The following TSPAN2 variants were observed in gnomAD, a reference collection of about 807,000 sequenced individuals.
The protein encoded by TSPAN2 is tetraspanin 2.
TSPAN2 carries 24 observed loss-of-function variants against 33.3 expected under a neutral mutation model. The ratio of observed to expected loss-of-function variants is 0.72; its 90% confidence interval spans 0.52 to 1.01. The LOEUF (loss-of-function observed/expected upper bound fraction) is 1.01, where lower values mean the gene tolerates loss of function less well. Among genes scored for constraint, TSPAN2 ranks in the 50% least tolerant of loss-of-function variants. The pLI is 0.00. For missense variants in TSPAN2, 278 were observed against 281.3 expected, an observed-to-expected ratio of 0.99 and a Z score of 0.08; for synonymous variants, 114 against 104.5, an observed-to-expected ratio of 1.09 and a Z score of -0.56.
intron 6 of TSPAN2, among the ~76,000 whole-genome samples, chr1:115,055,317 C>T (rs1647354471): frequency 8.6e-6 from 1 of 116,352 alleles, no homozygotes; most frequent in South Asian, 3.4e-4. Context: ...TTGTAGAAAT[C>T]TGGAAAAGAG....
chr1:115,083,251 T>C (rs1648698046), intron 1 of TSPAN2, among the ~76,000 whole-genome samples: 1 of 152,222 alleles, frequency 6.6e-6, no homozygotes, highest in East Asian at 1.9e-4. Context: ...GGATAGAGGT[T>C]ACGTTCTCTT....
intron 1 of TSPAN2, among the ~76,000 whole-genome samples, chr1:115,086,333 T>A (rs1648835265): frequency 6.6e-6 from 1 of 152,216 alleles, no homozygotes; most frequent in Non-Finnish European, 1.5e-5. Context: ...CTGCTTGGGA[T>A]CTCTGCACTC....
Position 115,062,941 on chromosome 1 carries a change from C to T in TSPAN2, c.173-709G>A, listed in dbSNP as rs372787692. On this transcript the variant is annotated intron_variant, in intron 2 of 7. Transcript: ENST00000369516. Reference sequence around the variant, plus strand: ...AGGCTGCTCTGCTTCCTGCCCCACCCGGACCTGGCCTCAGCGTTCTTTTCA... The same window carrying T: ...AGGCTGCTCTGCTTCCTGCCCCACCTGGACCTGGCCTCAGCGTTCTTTTCA... 9.9e-5 allele frequency among the ~76,000 whole-genome samples: 15 copies of T among 152,252 alleles called. No homozygotes were observed. The East Asian group carries it at 2.3e-3, about 24-fold the overall frequency.
At chr1:115,074,658 A>C (rs1158175198) in intron 1 of TSPAN2, among the ~76,000 whole-genome samples, 2 of 152,184 alleles carry the variant, frequency 1.3e-5, no homozygotes, top group Non-Finnish European at 2.9e-5. Context: ...TTTCCTTCTC[A>C]GTATATTTTC....
chr1:115,072,434 A>G (rs552091588), intron 2 of TSPAN2, among the ~76,000 whole-genome samples: 1 of 152,244 alleles, frequency 6.6e-6, no homozygotes, highest in South Asian at 2.1e-4. Flanking sequence ...GTTTTTTCCT[A>G]GACAATTTAA....
At chr1:115,068,996 A>G (rs1363856901) in intron 2 of TSPAN2, among the ~76,000 whole-genome samples, 1 of 152,170 alleles carries the variant, frequency 6.6e-6, no homozygotes, top group Non-Finnish European at 1.5e-5. Flanking sequence ...TGCCAGCCCC[A>G]GGTGTTTATC....
intron 2 of TSPAN2, among the ~76,000 whole-genome samples, chr1:115,072,173 T>C (rs918960575): frequency 6.6e-6 from 1 of 152,114 alleles, no homozygotes; most frequent in African/African-American, 2.4e-5. Flanking sequence ...GCAACAATGC[T>C]CAGCCCCTAC....
chr1:115,082,663 T>A (rs1648671413), intron 1 of TSPAN2, among the ~76,000 whole-genome samples: 1 of 152,196 alleles, frequency 6.6e-6, no homozygotes, highest in Non-Finnish European at 1.5e-5. Context: ...CCTCTCTCCT[T>A]CCTGCTTCTT....
chr1:115,083,768 C>T (rs1648725026), intron 1 of TSPAN2, among the ~76,000 whole-genome samples: 1 of 152,196 alleles, frequency 6.6e-6, no homozygotes, highest in Non-Finnish European at 1.5e-5. Flanking sequence ...GATCCTGCTC[C>T]AGGGTCAGTG....
At chr1:115,068,816 T>C in intron 2 of TSPAN2, among the ~76,000 whole-genome samples, 1 of 152,218 alleles carries the variant, frequency 6.6e-6, no homozygotes, top group African/African-American at 2.4e-5. Context: ...TCTATTTATA[T>C]TATAAGACAT....
chr1:115,082,278 G>T (rs986656583), intron 1 of TSPAN2, among the ~76,000 whole-genome samples: 1 of 152,208 alleles, frequency 6.6e-6, no homozygotes, highest in African/African-American at 2.4e-5. Context: ...TCACAAGTTT[G>T]TCAGAGCTTC....
chr1:115,084,003 G>A (rs867092079), intron 1 of TSPAN2, among the ~76,000 whole-genome samples: 2 of 152,268 alleles, frequency 1.3e-5, no homozygotes, highest in Middle Eastern at 3.4e-3. Context: ...GGCAGGGAAC[G>A]GTGGAGGAAG....
At chr1:115,068,051 C>A (rs898058035) in intron 2 of TSPAN2, among the ~76,000 whole-genome samples, 1 of 152,180 alleles carries the variant, frequency 6.6e-6, no homozygotes, top group African/African-American at 2.4e-5. Flanking sequence ...CCTCTGCCAG[C>A]GTCACTCCTG....
At chr1:115,056,345 C>G (rs943507452) in intron 6 of TSPAN2, among the ~76,000 whole-genome samples, 1 of 152,164 alleles carries the variant, frequency 6.6e-6, no homozygotes, top group Non-Finnish European at 1.5e-5. Context: ...CCTCACATCT[C>G]GCTCTCTGAA....
intron 1 of TSPAN2, among the ~76,000 whole-genome samples, chr1:115,086,083 G>A (rs1415326837): frequency 1.1e-4 from 17 of 152,028 alleles, no homozygotes; most frequent in Admixed American, 1.1e-3. Context: ...ACCAAGAAAG[G>A]AATCAGGAGA....
intron 1 of TSPAN2, among the ~76,000 whole-genome samples, chr1:115,080,932 A>G (rs1170010099): frequency 6.6e-6 from 1 of 152,266 alleles, no homozygotes; most frequent in Non-Finnish European, 1.5e-5. Flanking sequence ...AAGACAACAC[A>G]TTAAACAATA....
intron 1 of TSPAN2, among the ~76,000 whole-genome samples, chr1:115,079,137 C>CCACACACACACACACACACACACACA (rs202132434): frequency 6.8e-6 from 1 of 146,696 alleles, no homozygotes; most frequent in African/African-American, 2.5e-5. Context: ...AATTATAGCG[C>CCACACACACACACACACACACACACA]CACACACACA....
At chr1:115,077,110 G>C (rs1648440409) in intron 1 of TSPAN2, among the ~76,000 whole-genome samples, 1 of 151,774 alleles carries the variant, frequency 6.6e-6, no homozygotes, top group Non-Finnish European at 1.5e-5. Context: ...GTAGAGATGG[G>C]GTTTTACCAT....
rs575948620 is a variant in TSPAN2, at chr1:115,050,518, G to A, written c.638C>T (p.Ala213Val). The change falls in exon 8 of 8, where the codon GCG becomes GTG. Residue 213 changes from alanine (A) to valine (V), a missense_variant. Coordinates refer to ENST00000369516, the MANE Select transcript of TSPAN2 (RefSeq NM_005725.6). Reference sequence around the variant, plus strand: ...TATCACATCTCGTGAGTTTCGTATCGCACAGCAGAGGACCATGCTGAATAT... The same window carrying A: ...TATCACATCTCGTGAGTTTCGTATCACACAGCAGAGGACCATGCTGAATAT... Reference protein sequence around the residue: ...GMIFSMVLCCAIRNSRDVI With the variant: ...GMIFSMVLCCVIRNSRDVI The A allele has an allele frequency of 1.2e-5, 20 of 1,613,922 alleles. No homozygotes were observed. The East Asian group carries it at 3.3e-4, about 27-fold the overall frequency.
Sources: gnomAD v4.1 joint callset for allele counts (sites outside exome capture counted in the v4.1 genomes callset) on GRCh38, gnomAD v4.1.1 for gene constraint, MANE v1.5 for transcripts, NCBI Gene and HGNC (gene_info 2026-07-23, HGNC 2026-07-21) for gene names.